EMP2: variants seen among roughly 807,000 people sequenced by gnomAD.
EMP2 encodes epithelial membrane protein 2.
A neutral mutation model predicts 13.7 loss-of-function variants in EMP2; 19 were observed. That is an observed-to-expected ratio of 1.38 (90% CI 0.97 to 2.03). The LOEUF (loss-of-function observed/expected upper bound fraction) is 2.03, where lower values mean the gene tolerates loss of function less well. Ranked by LOEUF, EMP2 falls within the 30% of genes most tolerant of loss-of-function variation. The probability of loss-of-function intolerance (pLI) is 0.00; values close to 1 mark genes in which losing one functional copy is unlikely to be tolerated. For missense variants in EMP2, 253 were observed against 220.7 expected (o/e 1.15, Z -0.93); for synonymous variants, 97 against 84.7 (o/e 1.15, Z -0.80).
At chr16:10,563,893 AG>A (rs2050889743) in intron 1 of EMP2, among the ~76,000 whole-genome samples, 1 of 152,252 alleles carries the variant, frequency 6.6e-6, no homozygotes, top group Non-Finnish European at 1.5e-5. Flanking sequence ...TTACTGACAC[AG>A]GGCAGGCGAG....
chr16:10,535,402 G>C (rs10775284), intron 4 of EMP2, among the ~76,000 whole-genome samples: 112,574 of 151,992 alleles, frequency 0.74, 41,897 homozygotes, highest in East Asian at 0.83. Context: ...GACTAAGCAG[G>C]CTTACAGATC....
intron 1 of EMP2, among the ~76,000 whole-genome samples, chr16:10,567,858 A>G (rs1448364784): frequency 6.6e-6 from 1 of 152,344 alleles, no homozygotes; most frequent in South Asian, 2.1e-4. Flanking sequence ...CATTGGAGAT[A>G]GTCTCCACCA....
intron 1 of EMP2, among the ~76,000 whole-genome samples, chr16:10,579,883 C>T (rs1885681994): frequency 2.0e-5 from 3 of 152,182 alleles, no homozygotes; most frequent in Non-Finnish European, 4.4e-5. Flanking sequence ...GTGCTCAGAT[C>T]TCTGGATTTG....
intron 3 of EMP2, among the ~76,000 whole-genome samples, chr16:10,539,549 C>A (rs1163132685): frequency 6.6e-6 from 1 of 152,080 alleles, no homozygotes; most frequent in Non-Finnish European, 1.5e-5. Context: ...GGGCAGAAAG[C>A]GGTAGCAACT....
chr16:10,529,244 C>G lies in EMP2; in HGVS notation c.*3661G>C, dbSNP rs755936240. 9 of 152,190 alleles carry G rather than the reference C, an allele frequency of 5.9e-5. No individual in the cohort carries two copies. The highest frequency in any genetic ancestry group is 1.3e-4 in the Non-Finnish European group (9 of 68,022). 9.4% of individuals were successfully genotyped at this position (152,190 alleles called of 1,614,324 possible). A position where few individuals can be genotyped will look rare whatever the true frequency, so the allele number is the denominator to read the frequency against. On this transcript the variant is annotated 3_prime_UTR_variant, in exon 5 of 5. Transcript: ENST00000359543. ...ATGCTATCTTTGGTCCTAATATGTG[C>G]TTCTTGGATGTCTACTAATTTTGTT...
At chr16:10,552,822 T>A (rs1457845127) in intron 1 of EMP2, among the ~76,000 whole-genome samples, 1 of 152,182 alleles carries the variant, frequency 6.6e-6, no homozygotes, top group Non-Finnish European at 1.5e-5. Flanking sequence ...TGGGAAGTAC[T>A]GCTTTAAGCT....
intron 1 of EMP2, among the ~76,000 whole-genome samples, chr16:10,566,117 C>G (rs777928427): frequency 6.6e-6 from 1 of 152,196 alleles, no homozygotes; most frequent in Non-Finnish European, 1.5e-5. Flanking sequence ...TTGCCAAGAC[C>G]ACATCTGATT....
At chr16:10,535,621 C>T (rs368745560) in intron 4 of EMP2, among the ~76,000 whole-genome samples, 109 of 152,108 alleles carry the variant, frequency 7.2e-4, no homozygotes, top group African/African-American at 2.5e-3. Flanking sequence ...GAGGTGGGAG[C>T]ATTGCTTGAG....
chr16:10,577,324 TCAC>T (rs919481759), intron 1 of EMP2, among the ~76,000 whole-genome samples: 5 of 152,070 alleles, frequency 3.3e-5, no homozygotes, highest in African/African-American at 1.2e-4. Flanking sequence ...GGTGCCCTCA[TCAC>T]CACCACCAGC....
At chr16:10,538,746 T>G (rs1037518791) in intron 3 of EMP2, among the ~76,000 whole-genome samples, 3 of 152,166 alleles carry the variant, frequency 2.0e-5, no homozygotes, top group African/African-American at 7.2e-5. Context: ...GAAAGCTATG[T>G]GGCCATAGGG....
chr16:10,549,070 G>T (rs1027124038), intron 1 of EMP2, among the ~76,000 whole-genome samples: 1 of 152,224 alleles, frequency 6.6e-6, no homozygotes, highest in East Asian at 1.9e-4. Flanking sequence ...TCTCCCTAAG[G>T]AGGTAGCTGG....
chr16:10,541,044 C>G (rs1400524518), intron 3 of EMP2, among the ~76,000 whole-genome samples: 1 of 151,724 alleles, frequency 6.6e-6, no homozygotes, highest in Non-Finnish European at 1.5e-5. Context: ...GCTGTGATTG[C>G]ACCACTGCAC....
At chr16:10,569,509 G>C (rs1292041604) in intron 1 of EMP2, among the ~76,000 whole-genome samples, 1 of 151,686 alleles carries the variant, frequency 6.6e-6, no homozygotes, top group Non-Finnish European at 1.5e-5. Context: ...TGTACAGATG[G>C]GGGTCTCCCT....
chr16:10,566,863 C>T (rs79067644), intron 1 of EMP2, among the ~76,000 whole-genome samples: 2 of 152,076 alleles, frequency 1.3e-5, no homozygotes, highest in African/African-American at 4.8e-5. Context: ...TAAAAAAAAA[C>T]TGTCAGGTTG....
chr16:10,557,665 G>A (rs2050841250), intron 1 of EMP2, among the ~76,000 whole-genome samples: 1 of 152,122 alleles, frequency 6.6e-6, no homozygotes, highest in Non-Finnish European at 1.5e-5. Flanking sequence ...TGGCCTGGAT[G>A]CCCCAACCTT....
rs761837614 is a variant in EMP2 at position 10,575,237 on chromosome 16, C to CTTTTTTTTTTTTT, written c.-61+5299_-61+5311dup. Among the ~76,000 whole-genome samples, 45 of 52,484 alleles carry CTTTTTTTTTTTTT rather than the reference C, an allele frequency of 8.6e-4. 4 individuals carry two copies. The highest frequency in any genetic ancestry group is 1.6e-3 in the African/African-American group (25 of 15,664). The allele number at this position is 52,484 out of a possible 152,430, so 34.4% of individuals were successfully genotyped here. A position where few individuals can be genotyped will look rare whatever the true frequency, so the allele number is the denominator to read the frequency against. On this transcript the variant is annotated intron_variant, in intron 1 of 4. Coordinates refer to ENST00000359543, the MANE Select transcript of EMP2 (RefSeq NM_001424.6). ...TGGCCTTGGTCCTGGAGCTTGCATT[C>CTTTTTTTTTTTTT]TTTTTTTTTTTTTTTTTTTTTTTTT... is the stretch of plus-strand genomic sequence containing the variant.
At chr16:10,565,042 C>T (rs62029482) in intron 1 of EMP2, among the ~76,000 whole-genome samples, 13,399 of 152,254 alleles carry the variant, frequency 0.088, 806 homozygotes, top group Non-Finnish European at 0.13. Context: ...CTCAAAAGCT[C>T]CAAGTCCAAG....
rs761837614 is a variant in EMP2 at position 10,575,237 on chromosome 16, C to CT, written c.-61+5311dup. Among the ~76,000 whole-genome samples, 216 of 52,472 alleles carry CT rather than the reference C, an allele frequency of 4.1e-3. 55 individuals are homozygous for CT. Among genetic ancestry groups the CT allele is most frequent in the Non-Finnish European group, 5.9e-3 (163 of 27,420 alleles). The allele number at this position is 52,472 out of a possible 152,430, so 34.4% of individuals were successfully genotyped here. A position where few individuals can be genotyped will look rare whatever the true frequency, so the allele number is the denominator to read the frequency against. On this transcript the variant is annotated intron_variant, in intron 1 of 4. Transcript: ENST00000359543. ...TGGCCTTGGTCCTGGAGCTTGCATT[C>CT]TTTTTTTTTTTTTTTTTTTTTTTTT... is the stretch of plus-strand genomic sequence containing the variant.
In EMP2 at chr16:10,568,036, A is replaced by G. The variant is rs1348561877; in HGVS notation, c.-61+12513T>C. 1.3e-5 allele frequency among the ~76,000 whole-genome samples: 2 copies of G among 152,214 alleles called. 1 individual carries two copies. The highest frequency in any genetic ancestry group is 2.9e-5 in the Non-Finnish European group (2 of 68,032). ...GTCTTGCCTCAGGAAGCCCAGAGCT[A>G]TAGAATAAAGGAAGACAGACACAGA... On this transcript the variant is annotated intron_variant, in intron 1 of 4. Coordinates refer to ENST00000359543, the MANE Select transcript of EMP2 (RefSeq NM_001424.6).
Sources: allele counts gnomAD v4.1 joint callset (sites outside exome capture counted in the v4.1 genomes callset), GRCh38; gene constraint gnomAD v4.1.1; transcripts MANE v1.5; gene names NCBI Gene and HGNC (gene_info 2026-07-23, HGNC 2026-07-21).